The following NDST3 variants were observed in gnomAD, a reference collection of about 807,000 sequenced individuals.
NDST3 encodes N-deacetylase and N-sulfotransferase 3.
A neutral mutation model predicts 96.1 loss-of-function variants in NDST3; 58 were observed. That is an observed-to-expected ratio of 0.60 (90% CI 0.49 to 0.75). NDST3 has a LOEUF of 0.75. NDST3 is among the 30% of genes least tolerant of loss of function. NDST3 has a pLI of 0.00. For synonymous variants in NDST3, 333 were observed against 359.7 expected (o/e 0.93, Z 0.84); for missense variants, 788 against 1,034.2 (o/e 0.76, Z 3.27).
Position 118,135,286 on chromosome 4 carries a change from C to CAA in NDST3, c.1225-2767_1225-2766insAA, listed in dbSNP as rs570153540. Among the ~76,000 whole-genome samples, 232 of 152,204 alleles carry CAA rather than the reference C, an allele frequency of 1.5e-3. 1 individual carries two copies. The highest frequency in any genetic ancestry group is 5.3e-3 in the African/African-American group (221 of 41,516). Reference sequence around the variant, plus strand: ...TAGGAAGGGGTAGTGGGGTAGAAGTCAGAGTTCACCACAGGAGTCTCATGA... The same window carrying CAA: ...TAGGAAGGGGTAGTGGGGTAGAAGTCAAAGAGTTCACCACAGGAGTCTCATGA... On this transcript the variant is annotated intron_variant, in intron 4 of 13. Coordinates refer to ENST00000296499, the MANE Select transcript of NDST3 (RefSeq NM_004784.3).
intron 2 of NDST3, among the ~76,000 whole-genome samples, chr4:118,064,810 T>C (rs2110474696): frequency 6.6e-6 from 1 of 152,274 alleles, no homozygotes; most frequent in African/African-American, 2.4e-5. Context: ...TGAGCTAAGT[T>C]CAAGATGTCC....
rs1725452760 is a variant in NDST3, at chr4:118,056,619, T to C, written c.981+1728T>C. Among the ~76,000 whole-genome samples the C allele has an allele frequency of 3.3e-5, 5 of 151,966 alleles. No individual in the cohort carries two copies. In the Admixed American group the frequency reaches 3.3e-4, roughly 10 times the overall value. On this transcript the variant is annotated intron_variant, in intron 2 of 13. Transcript: ENST00000296499. ...ATTCATGTATTCATTCTGTAACTAG[T>C]TATTAAGCGTGTACTACATGTGAAG...
chr4:118,237,962 C>G (rs190299992), intron 10 of NDST3, among the ~76,000 whole-genome samples: 296 of 151,964 alleles, frequency 1.9e-3, no homozygotes, highest in Non-Finnish European at 3.3e-3. Context: ...GAGACTCTGT[C>G]TCTACAAATA....
At chr4:118,149,652 T>G (rs1319756237) in intron 6 of NDST3, among the ~76,000 whole-genome samples, 2 of 151,342 alleles carry the variant, frequency 1.3e-5, no homozygotes, top group African/African-American at 4.8e-5. Context: ...AAGGAGATTT[T>G]GGGCTGAGAC....
At chr4:118,079,064 A>G (rs1727807435) in intron 2 of NDST3, among the ~76,000 whole-genome samples, 1 of 152,204 alleles carries the variant, frequency 6.6e-6, no homozygotes, top group South Asian at 2.1e-4. Context: ...AAAGTCAGCT[A>G]CAAGAAAACT....
chr4:118,065,010 T>G (rs1407130195), intron 2 of NDST3, among the ~76,000 whole-genome samples: 1 of 152,134 alleles, frequency 6.6e-6, no homozygotes, highest in African/African-American at 2.4e-5. Flanking sequence ...CTTTTAAGGA[T>G]CCGTATGGCC....
At chr4:118,144,788 A>G (rs180803596) in intron 6 of NDST3, among the ~76,000 whole-genome samples, 42 of 152,252 alleles carry the variant, frequency 2.8e-4, no homozygotes, top group African/African-American at 8.7e-4. Flanking sequence ...ATAGGGATAA[A>G]TTGAATAAAA....
intron 1 of NDST3, among the ~76,000 whole-genome samples, chr4:118,045,759 T>TA (rs1344012793): frequency 1.3e-5 from 2 of 152,196 alleles, no homozygotes; most frequent in Non-Finnish European, 2.9e-5. Context: ...AGATGTGCGA[T>TA]AGACTCTAAT....
At chr4:118,059,966 C>A (rs1725761525) in intron 2 of NDST3, among the ~76,000 whole-genome samples, 1 of 152,052 alleles carries the variant, frequency 6.6e-6, no homozygotes, top group Non-Finnish European at 1.5e-5. Flanking sequence ...AAGCATGTAT[C>A]TGCTTGATCC....
At chr4:118,243,288 A>T (rs1366705777) in intron 12 of NDST3, among the ~76,000 whole-genome samples, 1 of 152,200 alleles carries the variant, frequency 6.6e-6, no homozygotes, top group African/African-American at 2.4e-5. Flanking sequence ...GGAAAAAAAG[A>T]TTAGCAGGAA....
chr4:118,196,211 A>C (rs893671026), intron 6 of NDST3, among the ~76,000 whole-genome samples: 3 of 152,192 alleles, frequency 2.0e-5, no homozygotes, highest in Admixed American at 1.3e-4. Context: ...GTCATGATGA[A>C]TGACCTTTTT....
chr4:118,160,794 A>C (rs1022109884), intron 6 of NDST3, among the ~76,000 whole-genome samples: 2 of 152,080 alleles, frequency 1.3e-5, no homozygotes, highest in Non-Finnish European at 2.9e-5. Context: ...AAAGTTTTTA[A>C]CTTCTTTGCC....
Position 118,143,663 on chromosome 4 carries a change from C to G in NDST3, c.1518C>G (p.Phe506Leu), listed in dbSNP as rs1193426319. ...LDKSIQGGELFFTVVLNPISI... is the reference protein window; with the variant it reads ...LDKSIQGGELLFTVVLNPISI... ...AGAGTATCCAAGGAGGAGAACTTTT[C>G]TTCACTGTCGTCCTCAACCCTGTAA... is the stretch of plus-strand genomic sequence containing the variant. Residue 506 changes from phenylalanine to leucine, a missense_variant, in exon 6 of 14, where the codon TTC (phenylalanine) becomes TTG (leucine). Coordinates refer to ENST00000296499, the MANE Select transcript of NDST3 (RefSeq NM_004784.3). 1 of 1,603,712 alleles carries G rather than the reference C, an allele frequency of 6.2e-7. No individual in the cohort carries two copies. Among genetic ancestry groups the G allele is most frequent in the Non-Finnish European group, 8.5e-7 (1 of 1,177,012 alleles).
At position 118,152,880 on chromosome 4, in the gene NDST3, C is replaced by T. The variant is rs17049627; in HGVS notation, c.1539+9196C>T. Among the ~76,000 whole-genome samples, 591 of 152,268 alleles carry T rather than the reference C, an allele frequency of 3.9e-3. 3 individuals are homozygous for T. The highest frequency in any genetic ancestry group is 0.013 in the African/African-American group (557 of 41,536). ...TGCCTCGTCCGCTGGATTCTCAGGT[C>T]GAATTTCCAAGCAAGGGAATCCACT... is the stretch of plus-strand genomic sequence containing the variant. On this transcript the variant is annotated intron_variant, in intron 6 of 13. Coordinates refer to ENST00000296499, the MANE Select transcript of NDST3 (RefSeq NM_004784.3).
intron 1 of NDST3, among the ~76,000 whole-genome samples, chr4:118,045,212 T>C (rs1222964245): frequency 1.3e-5 from 2 of 152,144 alleles, no homozygotes; most frequent in Non-Finnish European, 2.9e-5. Flanking sequence ...CAAATGTCTC[T>C]TCAAATTACT....
Position 118,141,495 on chromosome 4 carries a change from A to G in NDST3, c.1411-2061A>G, listed in dbSNP as rs183332286. 1.3e-3 allele frequency among the ~76,000 whole-genome samples: 198 copies of G among 152,316 alleles called. 1 individual carries two copies. The highest frequency in any genetic ancestry group is 5.9e-4 in the Non-Finnish European group (40 of 68,026). ...AGTAGTGCTCCTGCAGTTGCAGGGT[A>G]AAGCCTGCCACTTCCTCTTCACTGC... On this transcript the variant is annotated intron_variant, in intron 5 of 13. Coordinates refer to ENST00000296499, the MANE Select transcript of NDST3 (RefSeq NM_004784.3).
At chr4:118,179,997 C>G (rs996967545) in intron 6 of NDST3, among the ~76,000 whole-genome samples, 16 of 152,052 alleles carry the variant, frequency 1.1e-4, no homozygotes, top group African/African-American at 3.1e-4. Flanking sequence ...TCCTACCTTA[C>G]GCCTCCAGTT....
intron 4 of NDST3, among the ~76,000 whole-genome samples, chr4:118,117,133 T>C (rs2125868468): frequency 1.3e-5 from 2 of 152,318 alleles, no homozygotes; most frequent in South Asian, 4.1e-4. Flanking sequence ...CCAAATATAT[T>C]ATTTAGTGTT....
intron 4 of NDST3, among the ~76,000 whole-genome samples, chr4:118,126,950 T>C (rs187982569): frequency 6.6e-6 from 1 of 152,196 alleles, no homozygotes; most frequent in East Asian, 1.9e-4. Flanking sequence ...ATCAGTGATG[T>C]TGAGCACCTT....
Sources: gnomAD v4.1 joint callset for allele counts (sites outside exome capture counted in the v4.1 genomes callset) on GRCh38, gnomAD v4.1.1 for gene constraint, MANE v1.5 for transcripts, NCBI Gene and HGNC (gene_info 2026-07-23, HGNC 2026-07-21) for gene names.